SAFB2: variants seen among roughly 807,000 people sequenced by gnomAD.
SAFB2 encodes the protein scaffold attachment factor B2.
In SAFB2, 32 loss-of-function variants were observed where a neutral mutation model predicts 100.6. The ratio of observed to expected loss-of-function variants is 0.32; its 90% CI spans 0.24 to 0.43. The LOEUF (loss-of-function observed/expected upper bound fraction) is 0.43. SAFB2 is among the 20% of genes least tolerant of loss of function. SAFB2 has a pLI of 1.00. For synonymous variants in SAFB2, 500 were observed against 439.4 expected (o/e 1.14, Z -1.72); for missense variants, 1,185 against 1,163.4 (o/e 1.02, Z -0.27).
chr19:5,607,170 A>C (rs1026559631), intron 9 of SAFB2, among the ~76,000 whole-genome samples: 1 of 152,218 alleles, frequency 6.6e-6, no homozygotes, highest in African/African-American at 2.4e-5. Context: ...CTGAGGCAGG[A>C]GAATGGCATG....
intron 16 of SAFB2, among the ~76,000 whole-genome samples, chr19:5,592,321 T>G (rs143025940): frequency 6.6e-6 from 1 of 152,200 alleles, no homozygotes; most frequent in Non-Finnish European, 1.5e-5. Context: ...CTAGATGTAT[T>G]CCTCATTTTA....
chr19:5,593,595 C>A, intron 15 of SAFB2: 1 of 365,124 alleles, frequency 2.7e-6, no homozygotes. Context: ...AACAGCTATG[C>A]TCCACGGGTA....
Position 5,587,452 on chromosome 19 carries a change from T to A in SAFB2, c.2706-53A>T. 1.3e-6 allele frequency: 2 copies of A among 1,555,302 alleles called. No individual in the cohort carries two copies. Among genetic ancestry groups the A allele is most frequent in the Admixed American group, 1.9e-5 (1 of 52,030 alleles). On this transcript the variant is annotated intron_variant, in intron 20 of 20. Coordinates refer to ENST00000252542, the MANE Select transcript of SAFB2 (RefSeq NM_014649.3). The surrounding 1 kb of genome is among the most constrained non-coding windows in gnomAD (Gnocchi z 4.9). ...CCCCTTGAAGTGCTCAGCGTTTTCATCGTAACATGGGTTCAGTAACGGTCC... is the reference window on the plus strand; with the variant it reads ...CCCCTTGAAGTGCTCAGCGTTTTCAACGTAACATGGGTTCAGTAACGGTCC...
At chr19:5,617,434 T>C (rs917754619) in intron 2 of SAFB2, among the ~76,000 whole-genome samples, 3 of 152,210 alleles carry the variant, frequency 2.0e-5, no homozygotes, top group African/African-American at 7.2e-5. Context: ...CTTGAGGCTC[T>C]ATATGTATCA....
At chr19:5,595,567 C>T (rs570674146) in intron 13 of SAFB2, 70 bp from the exon 14 acceptor site, 24 of 1,565,988 alleles carry the variant, frequency 1.5e-5, no homozygotes, top group Admixed American at 3.4e-5. Context: ...AGATTATGCA[C>T]GTGTGCATGA....
chr19:5,591,944 C>T (rs571197529), intron 16 of SAFB2, 151 bp from the exon 17 acceptor site: 379 of 729,088 alleles, frequency 5.2e-4, no homozygotes, highest in Admixed American at 8.9e-4. Context: ...TAGCTCAAAT[C>T]GAAAGGCTTT....
Position 5,622,681 on chromosome 19 carries a change from C to T in SAFB2, c.35G>A (p.Gly12Asp). Residue 12 changes from glycine (G) to aspartate (D), a missense_variant, in exon 1 of 21, where the codon GGC becomes GAC. Gly to Asp is a moderately conservative substitution (Grantham distance 94). This residue lies in a region of SAFB2 where 351 missense variants were observed against 341.2 expected (regional missense o/e 1.03). Coordinates refer to ENST00000252542, the MANE Select transcript of SAFB2 (RefSeq NM_014649.3). ...AETLPGSGDS[G>D]PGTASLGPGV... is the part of the protein sequence containing the mutation. ...CGGGCCGAGAGAAGCCGTGCCAGGGCCCGAGTCGCCCGACCCGGGCAGAGT... is the reference window on the plus strand; with the variant it reads ...CGGGCCGAGAGAAGCCGTGCCAGGGTCCGAGTCGCCCGACCCGGGCAGAGT... The T allele has an allele frequency of 1.2e-6, 2 of 1,606,258 alleles. No individual in the cohort carries two copies. The highest frequency in any genetic ancestry group is 1.7e-6 in the Non-Finnish European group (2 of 1,178,622).
In SAFB2 at chr19:5,587,970, C is replaced by T; in HGVS notation, c.2536G>A (p.Asp846Asn). 1 of 1,611,862 alleles carries T rather than the reference C, an allele frequency of 6.2e-7. No individual in the cohort carries two copies. Among genetic ancestry groups the T allele is most frequent in the Non-Finnish European group, 8.5e-7 (1 of 1,179,320 alleles). ...AGCCGCTGGTTGTGCTCTCCCCAGTCACGGCCACCCCTTTGCCAAAAGAAA... is the reference window on the plus strand; with the variant it reads ...AGCCGCTGGTTGTGCTCTCCCCAGTTACGGCCACCCCTTTGCCAAAAGAAA... The part of the protein sequence containing the change: ...GLPPPPRGGR[D>N]WGEHNQRLEE... The change falls in exon 19 of 21, where the codon GAC becomes AAC. Residue 846 changes from aspartate (D) to asparagine (N), a missense_variant. This residue lies in a region of SAFB2 where 740 missense variants were observed against 687.1 expected (regional missense o/e 1.08). Coordinates refer to ENST00000252542, the MANE Select transcript of SAFB2 (RefSeq NM_014649.3). This position sits in a 1 kb window ranked among gnomAD's most constrained non-coding sequence, Gnocchi z 4.9.
At position 5,590,333 on chromosome 19, in the gene SAFB2, C is replaced by A. The variant is rs140108933; in HGVS notation, c.2470G>T (p.Gly824Cys). The A allele has an allele frequency of 3.3e-5, 53 of 1,610,060 alleles. No individual in the cohort carries two copies. Among genetic ancestry groups the A allele is most frequent in the Middle Eastern group, 3.3e-4 (2 of 6,050 alleles). The part of the protein sequence containing the change: ...HGRDSRDGWG[G>C]YGSDKRLSEG... ...CTCAGCCTCTTGTCGGAGCCGTAGC[C>A]CCCCCAGCCATCACGGGAGTCCCGG... Residue 824 changes from glycine to cysteine, a missense_variant, in exon 18 of 21, where the codon GGC (glycine) becomes TGC (cysteine). By Grantham distance (159) the Gly-to-Cys change is radical. Around this residue, in one of 3 missense-constraint regions of SAFB2, gnomAD observed 740 missense variants for 687.1 expected, o/e 1.08. Coordinates refer to ENST00000252542, the MANE Select transcript of SAFB2 (RefSeq NM_014649.3).
At chr19:5,621,171 C>T in intron 2 of SAFB2, 138 bp downstream of exon 2, 4 of 673,998 alleles carry the variant, frequency 5.9e-6, no homozygotes, top group Admixed American at 1.9e-5. Flanking sequence ...TAGGTGGTGA[C>T]GAGCAAAGCT....
intron 17 of SAFB2, 63 bp downstream of exon 17, chr19:5,591,685 T>C (rs2052408479): frequency 8.5e-6 from 13 of 1,532,174 alleles, no homozygotes; most frequent in Admixed American, 1.7e-5. Flanking sequence ...TGGCTAGAAA[T>C]GGTCCGCTAT....
intron 11 of SAFB2, among the ~76,000 whole-genome samples, chr19:5,604,342 C>T (rs1914853348): frequency 6.6e-6 from 1 of 152,164 alleles, no homozygotes; most frequent in South Asian, 2.1e-4. Flanking sequence ...AAGGTGGAGG[C>T]TGCAGTGCCA....
intron 1 of SAFB2, 130 bp downstream of exon 1, chr19:5,622,400 A>C: frequency 1.1e-6 from 1 of 893,426 alleles, no homozygotes; most frequent in Non-Finnish European, 1.6e-6. Context: ...GGTGCCCGAC[A>C]CCTCGAACCG....
chr19:5,604,734 C>A, intron 10 of SAFB2, 39 bp from the exon 11 acceptor site: 2 of 1,613,980 alleles, frequency 1.2e-6, no homozygotes, highest in South Asian at 1.1e-5. Context: ...TGGCCCAGAG[C>A]TTCTCACTTG....
Position 5,604,841 on chromosome 19 carries a change from G to A in SAFB2, c.1392C>T (p.Cys464=), listed in dbSNP as rs1393347713. 6.2e-7 allele frequency: 1 copy of A among 1,614,164 alleles called. No individual in the cohort carries two copies. The highest frequency in any genetic ancestry group is 1.7e-5 in the Admixed American group (1 of 60,018). ...GCTCAGTTCTGTGGAGATGGCTGAT[G>A]CACTTGGTCGCCTCGTCAGATGTCG... ...TMSTSDEATK[C]ISHLHRTELH... The change falls in exon 10 of 21, where the codon TGC becomes TGT. Residue 464 remains cysteine, a synonymous_variant. Coordinates refer to ENST00000252542, the MANE Select transcript of SAFB2 (RefSeq NM_014649.3).
intron 18 of SAFB2, chr19:5,589,007 C>T (rs941944929): frequency 2.0e-5 from 3 of 152,270 alleles, no homozygotes; most frequent in African/African-American, 7.2e-5. Context: ...TGCACGAGTG[C>T]CTGCCTGCTG....
rs561263243 is a variant in SAFB2 at position 5,622,727 on chromosome 19, C to A, written c.-12G>T. On this transcript the variant is annotated 5_prime_UTR_variant, in exon 1 of 21. Coordinates refer to ENST00000252542, the MANE Select transcript of SAFB2 (RefSeq NM_014649.3). ...AGAGTCTCCGCCATCGTCGCGTTCC[C>A]GTCTTCGCCACCGACTCAGTCGCAC... 1.3e-6 allele frequency: 2 copies of A among 1,594,122 alleles called. No homozygotes were observed. The highest frequency in any genetic ancestry group is 1.3e-5 in the African/African-American group (1 of 74,698).
intron 15 of SAFB2, among the ~76,000 whole-genome samples, 192 bp from the exon 16 acceptor site, chr19:5,593,079 C>T (rs751807471): frequency 2.6e-5 from 4 of 152,076 alleles, no homozygotes; most frequent in Non-Finnish European, 4.4e-5. Flanking sequence ...CATTAACAGC[C>T]GAGAGGCACA....
chr19:5,601,312 C>T (rs535150367), intron 11 of SAFB2, among the ~76,000 whole-genome samples: 69 of 152,158 alleles, frequency 4.5e-4, no homozygotes, highest in African/African-American at 1.6e-3. Flanking sequence ...TCTGCCTGAC[C>T]GCAGTAATCT....
Sources: gnomAD v4.1 joint callset for allele counts (sites outside exome capture counted in the v4.1 genomes callset) on GRCh38, gnomAD v4.1.1 for gene constraint, gnomAD v4.1.1 regional missense constraint, Gnocchi (gnomAD v3.1) non-coding constraint, MANE v1.5 for transcripts, NCBI Gene and HGNC (gene_info 2026-07-23, HGNC 2026-07-21) for gene names.